TMEM108: variants seen among roughly 807,000 people sequenced by gnomAD.
The protein encoded by TMEM108 is cancer/testis antigen 124.
TMEM108 carries 12 observed loss-of-function variants against 35.1 expected under a neutral mutation model. The observed-to-expected ratio is 0.34, with a 90% CI of 0.22 to 0.55. TMEM108 has a LOEUF of 0.55. TMEM108 is among the 20% of genes least tolerant of loss of function. The probability of loss-of-function intolerance (pLI) is 0.89; values close to 1 mark genes in which losing one functional copy is unlikely to be tolerated. For synonymous variants in TMEM108, 287 were observed against 308.6 expected, an observed-to-expected ratio of 0.93 and a Z score of 0.73; for missense variants, 680 against 753.3, an observed-to-expected ratio of 0.90 and a Z score of 1.14.
intron 2 of TMEM108, chr3:133,192,908 C>G (rs552414994): frequency 6.6e-6 from 1 of 150,668 alleles, no homozygotes; most frequent in African/African-American, 2.4e-5. Flanking sequence ...GAAGTTTACA[C>G]TGTGTGTGTG....
intron 3 of TMEM108, among the ~76,000 whole-genome samples, chr3:133,305,172 T>C (rs998024623): frequency 6.6e-6 from 1 of 151,742 alleles, no homozygotes; most frequent in African/African-American, 2.4e-5. Context: ...CACCATGGAA[T>C]ACTATGCAGC....
At chr3:133,326,185 C>G (rs2071330655) in intron 3 of TMEM108, among the ~76,000 whole-genome samples, 1 of 152,214 alleles carries the variant, frequency 6.6e-6, no homozygotes, top group Non-Finnish European at 1.5e-5. Flanking sequence ...TAAGTGCTGT[C>G]TCTTCCATTA....
At chr3:133,308,232 G>A (rs1413795241) in intron 3 of TMEM108, among the ~76,000 whole-genome samples, 1 of 152,168 alleles carries the variant, frequency 6.6e-6, no homozygotes, top group East Asian at 1.9e-4. Flanking sequence ...CTTTGCTGAA[G>A]TTGCTTATCA....
chr3:133,285,309 C>T (rs149923005), intron 3 of TMEM108, among the ~76,000 whole-genome samples: 2 of 152,208 alleles, frequency 1.3e-5, no homozygotes, highest in Non-Finnish European at 2.9e-5. Context: ...TATTAGGTTT[C>T]CTCTTGTGTT....
At chr3:133,267,755 G>A (rs913424181) in intron 3 of TMEM108, among the ~76,000 whole-genome samples, 1 of 152,194 alleles carries the variant, frequency 6.6e-6, no homozygotes, top group Non-Finnish European at 1.5e-5. Context: ...TACTCATGTT[G>A]CAATGGACAG....
chr3:133,125,100 T>A (rs1008084533), intron 2 of TMEM108: 1 of 152,184 alleles, frequency 6.6e-6, no homozygotes, highest in African/African-American at 2.4e-5. Flanking sequence ...ATGAATTAGA[T>A]GGAGATTTAA....
intron 2 of TMEM108, among the ~76,000 whole-genome samples, chr3:133,184,021 A>C (rs1945385277): frequency 6.6e-6 from 1 of 152,194 alleles, no homozygotes; most frequent in Non-Finnish European, 1.5e-5. Context: ...AGGCCAGTGG[A>C]TGCCAGGCAG....
intron 2 of TMEM108, among the ~76,000 whole-genome samples, chr3:133,170,584 A>T (rs571682217): frequency 5.9e-5 from 9 of 152,072 alleles, no homozygotes; most frequent in Admixed American, 2.6e-4. Flanking sequence ...GACATCATCC[A>T]AAAAAAAGCA....
intron 2 of TMEM108, among the ~76,000 whole-genome samples, chr3:133,221,535 T>A (rs981445999): frequency 2.0e-5 from 3 of 152,174 alleles, no homozygotes; most frequent in African/African-American, 7.2e-5. Context: ...ACAGACTTAC[T>A]ACTGTCACTT....
At chr3:133,344,342 A>G (rs1189599901) in intron 3 of TMEM108, among the ~76,000 whole-genome samples, 1 of 151,852 alleles carries the variant, frequency 6.6e-6, no homozygotes. Context: ...AGAAAATAAC[A>G]TCAGTCCAAA....
intron 3 of TMEM108, among the ~76,000 whole-genome samples, chr3:133,236,399 C>T (rs1946238053): frequency 6.6e-6 from 1 of 152,102 alleles, no homozygotes; most frequent in Non-Finnish European, 1.5e-5. Context: ...AAGGAAAATA[C>T]ACCCCCTTTT....
At chr3:133,242,509 G>T (rs546315696) in intron 3 of TMEM108, among the ~76,000 whole-genome samples, 2 of 152,282 alleles carry the variant, frequency 1.3e-5, no homozygotes, top group East Asian at 3.9e-4. Context: ...GTGTTGAGCT[G>T]GTCTAAAAGC....
At chr3:133,379,044 C>G (rs577034839) in intron 3 of TMEM108, among the ~76,000 whole-genome samples, 12 of 152,276 alleles carry the variant, frequency 7.9e-5, no homozygotes, top group African/African-American at 2.9e-4. Context: ...CTGCCTGTCA[C>G]TCTTCTATGG....
At chr3:133,076,135 C>G (rs1468413774) in intron 2 of TMEM108, among the ~76,000 whole-genome samples, 1 of 152,078 alleles carries the variant, frequency 6.6e-6, no homozygotes, top group Non-Finnish European at 1.5e-5. Context: ...AATACATGTA[C>G]TTTTAATAAG....
chr3:133,276,334 T>C (rs1226031340), intron 3 of TMEM108, among the ~76,000 whole-genome samples: 1 of 152,220 alleles, frequency 6.6e-6, no homozygotes, highest in Non-Finnish European at 1.5e-5. Flanking sequence ...TCTCATCTTG[T>C]ATCACGTTTG....
chr3:133,066,463 GAAC>G (rs1411245279), intron 2 of TMEM108, among the ~76,000 whole-genome samples: 5 of 151,968 alleles, frequency 3.3e-5, no homozygotes, highest in Admixed American at 1.3e-4. Context: ...AATAAGAATA[GAAC>G]TTGAAAAGGT....
At chr3:133,355,225 T>G (rs546453630) in intron 3 of TMEM108, among the ~76,000 whole-genome samples, 4 of 152,362 alleles carry the variant, frequency 2.6e-5, no homozygotes, top group Admixed American at 2.6e-4. Flanking sequence ...TTTTTCTTTT[T>G]TGTTTTTACC....
intron 3 of TMEM108, among the ~76,000 whole-genome samples, chr3:133,298,016 C>A (rs1169463016): frequency 6.6e-6 from 1 of 152,156 alleles, no homozygotes. Context: ...ATGCTTTGAT[C>A]TCTTTGTCCA....
chr3:133,163,015 A>T (rs1245434828), intron 2 of TMEM108, among the ~76,000 whole-genome samples: 1 of 152,170 alleles, frequency 6.6e-6, no homozygotes, highest in Non-Finnish European at 1.5e-5. Context: ...GGAAGTCTGC[A>T]TCTAAGGAAT....
Sources: gnomAD v4.1 joint callset for allele counts (sites outside exome capture counted in the v4.1 genomes callset) on GRCh38, gnomAD v4.1.1 for gene constraint, MANE v1.5 for transcripts, NCBI Gene and HGNC (gene_info 2026-07-23, HGNC 2026-07-21) for gene names.